The following CPNE4 variants were observed in gnomAD, a reference collection of about 807,000 sequenced individuals.
CPNE4 encodes the protein copine 4, also known as copine-4.
In CPNE4, 25 loss-of-function variants were observed where a neutral mutation model predicts 67.9. The ratio of observed to expected loss-of-function variants is 0.37; its 90% CI spans 0.27 to 0.51. The LOEUF is 0.51. Among genes scored for constraint, CPNE4 ranks in the 20% least tolerant of loss-of-function variants. The probability of loss-of-function intolerance (pLI) is 0.93; values close to 1 mark genes in which losing one functional copy is unlikely to be tolerated. For missense variants in CPNE4, 464 were observed against 690.8 expected, an observed-to-expected ratio of 0.67 and a Z score of 3.68; for synonymous variants, 242 against 244.9, an observed-to-expected ratio of 0.99 and a Z score of 0.11.
intron 15 of CPNE4, among the ~76,000 whole-genome samples, chr3:131,537,014 G>A (rs1935185482): frequency 6.6e-6 from 1 of 152,044 alleles, no homozygotes; most frequent in Admixed American, 6.5e-5. Context: ...CTGGTTAAAA[G>A]TTAAAAGACT....
chr3:131,846,057 C>A (rs2085985172), intron 2 of CPNE4, among the ~76,000 whole-genome samples: 1 of 152,130 alleles, frequency 6.6e-6, no homozygotes, highest in Admixed American at 6.5e-5. Context: ...AGGTGTGAAG[C>A]CAGACTGCCT....
At chr3:131,791,741 A>G (rs1447701049) in intron 2 of CPNE4, among the ~76,000 whole-genome samples, 1 of 152,182 alleles carries the variant, frequency 6.6e-6, no homozygotes, top group Non-Finnish European at 1.5e-5. Flanking sequence ...CCCGATTTGA[A>G]GTCTGTTACT....
chr3:131,571,348 T>C (rs1937326235), intron 10 of CPNE4, among the ~76,000 whole-genome samples: 1 of 152,002 alleles, frequency 6.6e-6, no homozygotes, highest in Non-Finnish European at 1.5e-5. Context: ...TCTTGGGACA[T>C]CTCATCCAAA....
intron 7 of CPNE4, among the ~76,000 whole-genome samples, chr3:131,590,419 G>A (rs1049432189): frequency 1.3e-5 from 2 of 152,158 alleles, no homozygotes; most frequent in South Asian, 4.1e-4. Flanking sequence ...AGTGAGGGTA[G>A]TACAGAACTC....
At chr3:131,782,431 A>G (rs931493390) in intron 2 of CPNE4, among the ~76,000 whole-genome samples, 8 of 152,054 alleles carry the variant, frequency 5.3e-5, no homozygotes, top group African/African-American at 1.9e-4. Context: ...TTAGACATAT[A>G]TAAATTCAGT....
At chr3:131,801,336 C>A (rs1177757682) in intron 2 of CPNE4, among the ~76,000 whole-genome samples, 1 of 122,854 alleles carries the variant, frequency 8.1e-6, no homozygotes, top group African/African-American at 3.5e-5. Context: ...GGAAACCATA[C>A]ATATATATAT....
intron 10 of CPNE4, among the ~76,000 whole-genome samples, chr3:131,574,283 T>C (rs1451925932): frequency 6.6e-6 from 1 of 152,146 alleles, no homozygotes; most frequent in Non-Finnish European, 1.5e-5. Flanking sequence ...TTCTAGCACA[T>C]CTGTCTTTTG....
intron 2 of CPNE4, among the ~76,000 whole-genome samples, chr3:131,748,674 A>C (rs1022356652): frequency 2.0e-5 from 3 of 152,062 alleles, no homozygotes; most frequent in Non-Finnish European, 2.9e-5. Flanking sequence ...GTTTTTCATA[A>C]AGTGACATTG....
chr3:132,001,815 C>G (rs1318601725), intron 1 of CPNE4, among the ~76,000 whole-genome samples: 1 of 152,098 alleles, frequency 6.6e-6, no homozygotes, highest in Non-Finnish European at 1.5e-5. Flanking sequence ...TCCATATCCA[C>G]TGAGTCCCTC....
At chr3:131,603,925 A>T (rs1035115472) in intron 7 of CPNE4, among the ~76,000 whole-genome samples, 3 of 152,306 alleles carry the variant, frequency 2.0e-5, no homozygotes, top group Non-Finnish European at 4.4e-5. Flanking sequence ...CTGGAGAAAG[A>T]ACTGGACTTA....
At chr3:131,596,271 C>A (rs1938849002) in intron 7 of CPNE4, among the ~76,000 whole-genome samples, 1 of 152,142 alleles carries the variant, frequency 6.6e-6, no homozygotes, top group East Asian at 1.9e-4. Flanking sequence ...TCAAATTGTG[C>A]ACATCAAGTA....
intron 1 of CPNE4, among the ~76,000 whole-genome samples, chr3:131,993,029 G>A (rs148031533): frequency 1.5e-5 from 2 of 136,078 alleles, no homozygotes; most frequent in Non-Finnish European, 3.3e-5. Context: ...GTCTTTATTA[G>A]CAGCATGAGA....
chr3:131,967,721 G>GAAAAA (rs1223726539), intron 1 of CPNE4, among the ~76,000 whole-genome samples: 9 of 152,038 alleles, frequency 5.9e-5, no homozygotes, highest in Non-Finnish European at 8.8e-5. Flanking sequence ...CAAACAAATA[G>GAAAAA]AAAAAATATT....
intron 7 of CPNE4, among the ~76,000 whole-genome samples, chr3:131,656,458 G>A (rs2107634251): frequency 6.6e-6 from 1 of 152,294 alleles, no homozygotes; most frequent in Non-Finnish European, 1.5e-5. Context: ...TTTAAAAGGT[G>A]AGACCAAATA....
chr3:131,562,090 CTT>C (rs1207912615), intron 11 of CPNE4, among the ~76,000 whole-genome samples: 3 of 152,000 alleles, frequency 2.0e-5, no homozygotes, highest in Non-Finnish European at 2.9e-5. Flanking sequence ...AAAACAATCA[CTT>C]ATGATGATTC....
At chr3:131,685,781 A>C (rs1560113136) in intron 6 of CPNE4, 94 bp downstream of exon 6, 2 of 734,120 alleles carry the variant, frequency 2.7e-6, no homozygotes, top group African/African-American at 3.6e-5. Context: ...ACTCCACCTC[A>C]ACACACACAC....
At chr3:131,654,697 G>A (rs540423986) in intron 7 of CPNE4, among the ~76,000 whole-genome samples, 9 of 152,266 alleles carry the variant, frequency 5.9e-5, no homozygotes, top group South Asian at 4.1e-4. Context: ...GAAGGCATGC[G>A]ATGAATTTTC....
intron 7 of CPNE4, among the ~76,000 whole-genome samples, chr3:131,610,805 A>G (rs1412808795): frequency 6.6e-6 from 1 of 152,162 alleles, no homozygotes; most frequent in East Asian, 1.9e-4. Context: ...GTCAGGGAAG[A>G]CTTCTTGGAA....
At chr3:131,787,565 G>C (rs565131260) in intron 2 of CPNE4, among the ~76,000 whole-genome samples, 6 of 152,200 alleles carry the variant, frequency 3.9e-5, no homozygotes, top group African/African-American at 1.4e-4. Flanking sequence ...GCGGCTGAAG[G>C]CTCTCTGATG....
Sources: allele counts gnomAD v4.1 joint callset (sites outside exome capture counted in the v4.1 genomes callset), GRCh38; gene constraint gnomAD v4.1.1; transcripts MANE v1.5; gene names NCBI Gene and HGNC (gene_info 2026-07-23, HGNC 2026-07-21).